MUC3A: variants seen among roughly 807,000 people sequenced by gnomAD.
MUC3A encodes the protein mucin 3A, cell surface associated.
A neutral mutation model predicts 109.0 loss-of-function variants in MUC3A; 109 were observed. The ratio of observed to expected loss-of-function variants is 1.00; its 90% CI spans 0.86 to 1.17. MUC3A has a LOEUF of 1.17. Ranked by LOEUF, MUC3A falls within the 50% of genes most tolerant of loss-of-function variation. The pLI, the probability that MUC3A is intolerant of heterozygous loss-of-function variation, is 0.00. For synonymous variants in MUC3A, 1,398 were observed against 981.4 expected (o/e 1.42, Z -7.93); for missense variants, 3,537 against 2,469.4 (o/e 1.43, Z -9.16).
chr7:100,960,820 C>G lies in MUC3A; in HGVS notation c.8935C>G (p.Arg2979Gly), dbSNP rs756946295. Residue 2979 changes from arginine (R) to glycine (G), a missense_variant, in exon 3 of 12, where the codon CGC becomes GGC. Physicochemically the swap from Arg to Gly is moderately radical, Grantham distance 125. Transcript: ENST00000379458. ...CACLPGFSGDRCQLQTRCQNG... is the reference protein window; with the variant it reads ...CACLPGFSGDGCQLQTRCQNG... Reference sequence around the variant, plus strand: ...TTGCCTTCCGGGGTTTTCTGGGGACCGCTGTCAGCTCCAGACCAGATGCCA... The same window carrying G: ...TTGCCTTCCGGGGTTTTCTGGGGACGGCTGTCAGCTCCAGACCAGATGCCA... 1.9e-6 allele frequency: 3 copies of G among 1,598,528 alleles called. No individual in the cohort carries two copies. The highest frequency in any genetic ancestry group is 2.2e-5 in the East Asian group (1 of 44,892).
intron 3 of MUC3A, among the ~76,000 whole-genome samples, chr7:100,962,699 T>TTTCTCTTTCTTTTCTTTCC (rs1488119091): frequency 1.3e-5 from 2 of 151,326 alleles, no homozygotes; most frequent in Admixed American, 6.6e-5. Context: ...TCTTTCTTTC[T>TTTCTCTTTCTTTTCTTTCC]TTCTCTTTCT....
intron 8 of MUC3A, chr7:100,966,101 C>T (rs1792534462): frequency 2.2e-6 from 1 of 450,558 alleles, no homozygotes; most frequent in East Asian, 4.3e-5. Context: ...CCCGCCCACT[C>T]ATTCTAGGGT....
In MUC3A at chr7:100,952,087, C is replaced by A. The variant is rs747109599; in HGVS notation, c.308C>A (p.Thr103Asn). 110 of 1,598,522 alleles carry A rather than the reference C, an allele frequency of 6.9e-5. No individual in the cohort carries two copies. In the African/African-American group the frequency reaches 1.3e-3, roughly 19 times the overall value. ...NSPVSSNTST[T>N]PTSKFAFKVE... ...CCAGTCAGTTCCAACACCTCAACCA[C>A]CCCGACGTCCAAGTTTGCCTTCAAG... The change falls in exon 2 of 12, where the codon ACC (threonine) becomes AAC (asparagine). Residue 103 changes from threonine (T) to asparagine (N), a missense_variant. Transcript: ENST00000379458.
intron 8 of MUC3A, 165 bp from the exon 9 acceptor site, chr7:100,966,221 C>T: frequency 5.0e-6 from 2 of 400,222 alleles, no homozygotes; most frequent in Non-Finnish European, 6.2e-6. Flanking sequence ...GGGTAGAGCC[C>T]CGGCCCCTCG....
chr7:100,957,122 T>A lies in MUC3A; in HGVS notation c.5343T>A (p.Pro1781=). Residue 1781 remains proline (P), a synonymous_variant, in exon 2 of 12, where the codon CCT becomes CCA. Coordinates refer to ENST00000379458, the MANE Select transcript of MUC3A (RefSeq NM_005960.2). ...YTVTSMTTTT[P]LGPTATNTLP... ...TGACTTCGATGACAACTACCACCCC[T>A]CTAGGGCCCACAGCCACTAATACGT... 2.2e-6 allele frequency: 1 copy of A among 460,708 alleles called. No homozygotes were observed. The highest frequency in any genetic ancestry group is 3.8e-6 in the Non-Finnish European group (1 of 263,228). The allele number at this position is 460,708 out of a possible 1,614,324, so 28.5% of individuals were successfully genotyped here.
chr7:100,961,967 T>TGGGCTTGGTGGCTCGTG (rs1584808699), intron 3 of MUC3A, among the ~76,000 whole-genome samples: 5 of 119,090 alleles, frequency 4.2e-5, no homozygotes, highest in Non-Finnish European at 7.8e-5. Context: ...AAAACTTACC[T>TGGGCTTGGTGGCTCGTG]CACGCCTGTA....
In MUC3A at chr7:100,963,177, G is replaced by A. The variant is rs2116214845; in HGVS notation, c.9079G>A (p.Glu3027Lys). 4.4e-6 allele frequency: 7 copies of A among 1,592,478 alleles called. No homozygotes were observed. Among genetic ancestry groups the A allele is most frequent in the Non-Finnish European group, 5.9e-6 (7 of 1,176,696 alleles). The change falls in exon 4 of 12, where the codon GAA becomes AAA. Residue 3027 changes from glutamate to lysine, a missense_variant. Coordinates refer to ENST00000379458, the MANE Select transcript of MUC3A (RefSeq NM_005960.2). Reference protein sequence around the residue: ...LDVVETEVGMEVSVDQQFSPD... With the variant: ...LDVVETEVGMKVSVDQQFSPD... ...TGTAGTGGAGACCGAGGTGGGCATG[G>A]AAGTGTCTGTGGATCAGCAGTTCTC... is the stretch of plus-strand genomic sequence containing the variant.
In MUC3A at chr7:100,952,712, C is replaced by T. The variant is rs1229098958; in HGVS notation, c.933C>T (p.Thr311=). The change falls in exon 2 of 12, where the codon ACC becomes ACT. Residue 311 remains threonine, a synonymous_variant. Coordinates refer to ENST00000379458, the MANE Select transcript of MUC3A (RefSeq NM_005960.2). ...CAATCACCAGTGGTATCACAAACAC[C>T]ACCCCCCTATCCACCTTGGTGACCA... ...TETITSGITN[T]TPLSTLVTTL... The T allele has an allele frequency of 6.4e-7, 1 of 1,567,224 alleles. No individual in the cohort carries two copies. The highest frequency in any genetic ancestry group is 8.6e-7 in the Non-Finnish European group (1 of 1,166,728).
intron 8 of MUC3A, 57 bp from the exon 9 acceptor site, chr7:100,966,329 C>T: frequency 7.9e-7 from 1 of 1,264,684 alleles, no homozygotes; most frequent in East Asian, 3.0e-5. Context: ...GGCCCAGGTG[C>T]ACGGGTGGAC....
intron 1 of MUC3A, among the ~76,000 whole-genome samples, chr7:100,950,045 A>T (rs78090393): frequency 6.6e-6 from 1 of 152,200 alleles, no homozygotes; most frequent in Admixed American, 6.5e-5. Flanking sequence ...TCCTGTCTTG[A>T]CTCCTTCTGT....
rs1212104404 is a variant in MUC3A at position 100,956,327 on chromosome 7, A to C, written c.4548A>C (p.Val1516=). 2 of 603,564 alleles carry C rather than the reference A, an allele frequency of 3.3e-6. No individual in the cohort carries two copies. Among genetic ancestry groups the C allele is most frequent in the Non-Finnish European group, 5.8e-6 (2 of 342,026 alleles). The allele number at this position is 603,564 out of a possible 1,614,324, so 37.4% of individuals were successfully genotyped here. A position where few individuals can be genotyped will look rare whatever the true frequency, so the allele number is the denominator to read the frequency against. The change falls in exon 2 of 12, where the codon GTA becomes GTC. Residue 1516 remains valine (V), a synonymous_variant. Transcript: ENST00000379458. ...CCAAAACTCCTACCACAAACTTGGTAACCACCACCACCAAGACCACCTCAC... is the reference window on the plus strand; with the variant it reads ...CCAAAACTCCTACCACAAACTTGGTCACCACCACCACCAAGACCACCTCAC... The part of the protein sequence containing the change: ...ETAKTPTTNL[V]TTTTKTTSHS...
At position 100,957,763 on chromosome 7, in the gene MUC3A, T is replaced by G; in HGVS notation, c.5984T>G (p.Leu1995Trp). 2.6e-6 allele frequency: 2 copies of G among 760,092 alleles called. No homozygotes were observed. The highest frequency in any genetic ancestry group is 1.0e-4 in the South Asian group (2 of 19,954). 47.1% of individuals were successfully genotyped at this position (760,092 alleles called of 1,614,324 possible). A position where few individuals can be genotyped will look rare whatever the true frequency, so the allele number is the denominator to read the frequency against. The change falls in exon 2 of 12, where the codon TTG (leucine) becomes TGG (tryptophan). Residue 1995 changes from leucine (L) to tryptophan (W), a missense_variant. Coordinates refer to ENST00000379458, the MANE Select transcript of MUC3A (RefSeq NM_005960.2). ...CACAGTACTCCCAGCTACACTTCTT[T>G]GATCACCACAACCACCACCACCTCA... is the stretch of plus-strand genomic sequence containing the variant. ...TSHSTPSYTS[L>W]ITTTTTTSHS...
chr7:100,954,813 T>C lies in MUC3A; in HGVS notation c.3034T>C (p.Ser1012Pro), dbSNP rs1792058364. The C allele has an allele frequency of 1.2e-5, 5 of 405,576 alleles. No individual in the cohort carries two copies. Among genetic ancestry groups the C allele is most frequent in the South Asian group, 2.4e-4 (2 of 8,444 alleles). 25.1% of individuals were successfully genotyped at this position (405,576 alleles called of 1,614,324 possible). ...CATGACTTCTCCTCCCCCCGTCAGT[T>C]CTTCAATCACTCCCACCAATACAAT... ...TAMTSPPPVS[S>P]SITPTNTMTS... The change falls in exon 2 of 12, where the codon TCT (serine) becomes CCT (proline). Residue 1012 changes from serine (S) to proline (P), a missense_variant. By Grantham distance (74) the Ser-to-Pro change is moderately conservative. Coordinates refer to ENST00000379458, the MANE Select transcript of MUC3A (RefSeq NM_005960.2).
Position 100,955,194 on chromosome 7 carries a change from T to C in MUC3A, c.3415T>C (p.Leu1139=). ...AGCCACGATGACTCCTACCACAACC[T>C]TGATAACCACCACCCCTAATACCAC... ...ETATMTPTTT[L]ITTTPNTTSL... Residue 1139 remains leucine (L), a synonymous_variant, in exon 2 of 12, where the codon TTG becomes CTG. Coordinates refer to ENST00000379458, the MANE Select transcript of MUC3A (RefSeq NM_005960.2). 1.7e-6 allele frequency: 1 copy of C among 589,854 alleles called. No homozygotes were observed. Among genetic ancestry groups the C allele is most frequent in the Non-Finnish European group, 2.9e-6 (1 of 338,984 alleles). The allele number at this position is 589,854 out of a possible 1,614,324, so 36.5% of individuals were successfully genotyped here. A position where few individuals can be genotyped will look rare whatever the true frequency, so the allele number is the denominator to read the frequency against.
Position 100,960,535 on chromosome 7 carries a change from C to T in MUC3A, c.8756C>T (p.Thr2919Ile), listed in dbSNP as rs752897005. Residue 2919 changes from threonine (T) to isoleucine (I), a missense_variant, in exon 2 of 12, where the codon ACT becomes ATT. Thr to Ile is a moderately conservative substitution (Grantham distance 89, BLOSUM62 -1). Transcript: ENST00000379458. Reference protein sequence around the residue: ...STHPSPPTTRTSETPVATTQT... With the variant: ...STHPSPPTTRISETPVATTQT... ...CACCCCTCCCCACCCACCACTAGGA[C>T]TTCAGAGACACCAGTGGCCACTACC... The T allele has an allele frequency of 1.3e-6, 2 of 1,598,736 alleles. No homozygotes were observed. Among genetic ancestry groups the T allele is most frequent in the Non-Finnish European group, 1.7e-6 (2 of 1,179,818 alleles).
At chr7:100,951,555 C>G (rs79554433) in intron 1 of MUC3A, among the ~76,000 whole-genome samples, 2 of 866 alleles carry the variant, frequency 2.3e-3, no homozygotes, top group African/African-American at 0.014. Flanking sequence ...AGGCTCTGCC[C>G]AGCTCGGCTA....
Position 100,954,040 on chromosome 7 carries a change from C to A in MUC3A, c.2261C>A (p.Thr754Lys). ...TCTCCCTTGGTCTCAACTGCAAAAACAGCCAAAACTCCTACCACAAACTTG... is the reference window on the plus strand; with the variant it reads ...TCTCCCTTGGTCTCAACTGCAAAAAAAGCCAAAACTCCTACCACAAACTTG... ...PTSPLVSTAKTAKTPTTNLVT... is the reference protein window; with the variant it reads ...PTSPLVSTAKKAKTPTTNLVT... Residue 754 changes from threonine to lysine, a missense_variant, in exon 2 of 12, where the codon ACA becomes AAA. Transcript: ENST00000379458. 2 of 383,396 alleles carry A rather than the reference C, an allele frequency of 5.2e-6. No homozygotes were observed. Among genetic ancestry groups the A allele is most frequent in the South Asian group, 1.1e-4 (2 of 17,518 alleles). 23.7% of individuals were successfully genotyped at this position (383,396 alleles called of 1,614,324 possible). A position where few individuals can be genotyped will look rare whatever the true frequency, so the allele number is the denominator to read the frequency against.
rs1473100082 is a variant in MUC3A, at chr7:100,965,570, C to T, written c.9449-134C>T. ...TGCGGGTGGCCTCCCCTCATCGAAT[C>T]CCAGGGTCTACCCCACAGCATCCCA... On this transcript the variant is annotated intron_variant, in intron 7 of 11. Transcript: ENST00000379458. The T allele has an allele frequency of 1.0e-5, 15 of 1,471,454 alleles. No individual in the cohort carries two copies. The African/African-American group carries it at 1.8e-4, about 18-fold the overall frequency. 91.1% of individuals were successfully genotyped at this position (1,471,454 alleles called of 1,614,324 possible). A position where few individuals can be genotyped will look rare whatever the true frequency, so the allele number is the denominator to read the frequency against.
rs1400118675 is a variant in MUC3A at position 100,962,122 on chromosome 7, C to T, written c.9053-1029C>T. Among the ~76,000 whole-genome samples, 41 of 97,628 alleles carry T rather than the reference C, an allele frequency of 4.2e-4. 3 individuals carry two copies. Among genetic ancestry groups the T allele is most frequent in the African/African-American group, 1.3e-3 (40 of 31,582 alleles). The allele number at this position is 97,628 out of a possible 152,430, so 64.0% of individuals were successfully genotyped here. On this transcript the variant is annotated intron_variant, in intron 3 of 11. Transcript: ENST00000379458. Reference sequence around the variant, plus strand: ...TGGCGGGCGCCTGTAGTCCCAGCTACTTGGGAGGCTGAGGCGGGAGAATGG... The same window carrying T: ...TGGCGGGCGCCTGTAGTCCCAGCTATTTGGGAGGCTGAGGCGGGAGAATGG...
Sources: allele counts gnomAD v4.1 joint callset (sites outside exome capture counted in the v4.1 genomes callset), GRCh38; gene constraint gnomAD v4.1.1; transcripts MANE v1.5; gene names NCBI Gene and HGNC (gene_info 2026-07-23, HGNC 2026-07-21).